The following FAM76A variants were observed in gnomAD, a reference collection of about 807,000 sequenced individuals.
FAM76A encodes the protein protein FAM76A.
Under a neutral mutation model 46.2 loss-of-function variants are expected in FAM76A, and 32 were observed. That is an observed-to-expected ratio of 0.69 (90% CI 0.52 to 0.93). The LOEUF is 0.93. Ranked by LOEUF, FAM76A falls within the 40% of genes least tolerant of loss-of-function variation. The probability of loss-of-function intolerance (pLI) is 0.00; values close to 1 mark genes in which losing one functional copy is unlikely to be tolerated. For missense variants in FAM76A, 274 were observed against 361.5 expected, an observed-to-expected ratio of 0.76 and a Z score of 1.96; for synonymous variants, 137 against 127.0, an observed-to-expected ratio of 1.08 and a Z score of -0.53.
chr1:27,727,935 G>T (rs770935332), intron 2 of FAM76A, among the ~76,000 whole-genome samples: 2 of 149,750 alleles, frequency 1.3e-5, no homozygotes. Flanking sequence ...AGCCTCCCAA[G>T]TAGCTGAGAT....
At chr1:27,729,561 C>A (rs769709474) in intron 2 of FAM76A, among the ~76,000 whole-genome samples, 7 of 152,042 alleles carry the variant, frequency 4.6e-5, no homozygotes, top group Non-Finnish European at 1.0e-4. Flanking sequence ...TTAGTGAACA[C>A]CCATATGCCC....
chr1:27,744,930 C>A, intron 5 of FAM76A, 119 bp downstream of exon 5: 1 of 961,606 alleles, frequency 1.0e-6, no homozygotes, highest in Non-Finnish European at 1.5e-6. Flanking sequence ...TCTGTAGGTA[C>A]TAGTCTGTAG....
chr1:27,750,364 A>G (rs757604364), intron 6 of FAM76A, among the ~76,000 whole-genome samples: 3 of 152,184 alleles, frequency 2.0e-5, no homozygotes, highest in Non-Finnish European at 4.4e-5. Context: ...GTCAGATTAC[A>G]TGGGGGGAGG....
intron 5 of FAM76A, among the ~76,000 whole-genome samples, chr1:27,745,297 C>A (rs541782524): frequency 6.6e-6 from 1 of 152,032 alleles, no homozygotes; most frequent in East Asian, 1.9e-4. Flanking sequence ...CTGCCAGGTT[C>A]TCTGCGGGGA....
intron 5 of FAM76A, among the ~76,000 whole-genome samples, chr1:27,746,829 C>T (rs984550867): frequency 3.9e-5 from 6 of 152,150 alleles, no homozygotes; most frequent in African/African-American, 1.2e-4. Context: ...GTAAACCCAA[C>T]GCTCTGGGAG....
chr1:27,745,638 T>A (rs1275307347), intron 5 of FAM76A, among the ~76,000 whole-genome samples: 1 of 152,132 alleles, frequency 6.6e-6, no homozygotes, highest in East Asian at 1.9e-4. Context: ...ATGTAACGGG[T>A]ACCACAGTGG....
Position 27,759,564 on chromosome 1 carries a change from GC to G in FAM76A, c.775del (p.Gln259ArgfsTer2). 6.2e-7 allele frequency: 1 copy of G among 1,613,492 alleles called. No individual in the cohort carries two copies. The highest frequency in any genetic ancestry group is 8.5e-7 in the Non-Finnish European group (1 of 1,179,820). On this transcript the variant is annotated frameshift_variant, in exon 8 of 9. Coordinates refer to ENST00000373954, the MANE Select transcript of FAM76A (RefSeq NM_152660.3). LOFTEE classifies it high-confidence loss of function. ...LKADFQYQES[Q>X]MRAKMNQMEK... ...AGGCTGATTTTCAGTACCAGGAATC[GC>G]AGATGAGAGCCAAAATGAACCAGAT...
intron 2 of FAM76A, among the ~76,000 whole-genome samples, chr1:27,732,102 G>A (rs997849804): frequency 4.6e-5 from 7 of 152,098 alleles, no homozygotes; most frequent in East Asian, 1.9e-4. Flanking sequence ...GATTATAGGC[G>A]TGAGCCACCA....
intron 4 of FAM76A, among the ~76,000 whole-genome samples, chr1:27,743,421 A>T (rs527765716): frequency 6.6e-6 from 1 of 152,138 alleles, no homozygotes; most frequent in South Asian, 2.1e-4. Flanking sequence ...CCTGAAGTGT[A>T]CATATCTCAA....
intron 6 of FAM76A, among the ~76,000 whole-genome samples, chr1:27,751,335 T>A (rs1159484676): frequency 1.3e-5 from 2 of 152,234 alleles, no homozygotes; most frequent in African/African-American, 4.8e-5. Flanking sequence ...TTCTTTTTTT[T>A]AAATGTTCAT....
chr1:27,731,774 C>A (rs974445418), intron 2 of FAM76A, among the ~76,000 whole-genome samples: 1 of 151,886 alleles, frequency 6.6e-6, no homozygotes, highest in Non-Finnish European at 1.5e-5. Context: ...TTTAGTGATA[C>A]TTGGGGATGT....
intron 4 of FAM76A, among the ~76,000 whole-genome samples, chr1:27,737,874 A>C (rs564650931): frequency 0.041 from 5,962 of 144,612 alleles, 482 homozygotes; most frequent in African/African-American, 0.14. Flanking sequence ...ACAACAAAAA[A>C]AAAAAAAAAA....
Position 27,759,651 on chromosome 1 carries a change from G to A in FAM76A, c.837+24G>A, listed in dbSNP as rs1384239755. 3.3e-6 allele frequency: 5 copies of A among 1,536,228 alleles called. No individual in the cohort carries two copies. In the African/African-American group the frequency reaches 5.5e-5, roughly 17 times the overall value. ...AGGTGACTGACTCTGCTTATTTTAT[G>A]TGCTAAAATTGTGTACCTACCTGGT... On this transcript the variant is annotated intron_variant, in intron 8 of 8. Coordinates refer to ENST00000373954, the MANE Select transcript of FAM76A (RefSeq NM_152660.3).
intron 1 of FAM76A, among the ~76,000 whole-genome samples, chr1:27,726,406 G>A (rs1290319994): frequency 1.1e-4 from 16 of 152,194 alleles, no homozygotes; most frequent in Non-Finnish European, 1.6e-4. Context: ...CGGACCCCGT[G>A]AGGTCGGGGG....
At chr1:27,743,097 G>C (rs1046981890) in intron 4 of FAM76A, among the ~76,000 whole-genome samples, 2 of 152,008 alleles carry the variant, frequency 1.3e-5, no homozygotes, top group African/African-American at 2.4e-5. Flanking sequence ...ATGAGGTAAT[G>C]CGTGTTAATT....
chr1:27,736,901 A>G (rs192106592), intron 4 of FAM76A, among the ~76,000 whole-genome samples: 5 of 152,202 alleles, frequency 3.3e-5, no homozygotes, highest in African/African-American at 4.8e-5. Context: ...TGCTGGGAGT[A>G]CAGATGTGAG....
chr1:27,751,361 C>T (rs1481504784), intron 6 of FAM76A, among the ~76,000 whole-genome samples: 1 of 152,032 alleles, frequency 6.6e-6, no homozygotes, highest in Non-Finnish European at 1.5e-5. Context: ...AAGATAAATT[C>T]CACTTTGCTG....
At chr1:27,745,721 A>G (rs1436041890) in intron 5 of FAM76A, among the ~76,000 whole-genome samples, 1 of 152,338 alleles carries the variant, frequency 6.6e-6, no homozygotes, top group East Asian at 1.9e-4. Context: ...GGCTTGGAGA[A>G]GAGCTGGCAT....
intron 6 of FAM76A, among the ~76,000 whole-genome samples, chr1:27,753,031 A>C (rs2088355588): frequency 6.6e-6 from 1 of 152,186 alleles, no homozygotes. Flanking sequence ...ATGGTGGCGC[A>C]CGCCTGTAAT....
Sources: gnomAD v4.1 joint callset for allele counts (sites outside exome capture counted in the v4.1 genomes callset) on GRCh38, gnomAD v4.1.1 for gene constraint, MANE v1.5 for transcripts, NCBI Gene and HGNC (gene_info 2026-07-23, HGNC 2026-07-21) for gene names.